The following SHC4 variants were observed in gnomAD, a reference collection of about 807,000 sequenced individuals.
The protein encoded by SHC4 is SHC adaptor protein 4.
Under a neutral mutation model 69.4 loss-of-function variants are expected in SHC4, and 41 were observed. The ratio of observed to expected loss-of-function variants is 0.59; its 90% CI spans 0.46 to 0.77. The LOEUF (loss-of-function observed/expected upper bound fraction) is 0.77. Among genes scored for constraint, SHC4 ranks in the 30% least tolerant of loss-of-function variants. The probability of loss-of-function intolerance (pLI) is 0.00; values close to 1 mark genes in which losing one functional copy is unlikely to be tolerated. For missense variants in SHC4, 777 were observed against 783.8 expected (o/e 0.99, Z 0.10); for synonymous variants, 318 against 299.3 (o/e 1.06, Z -0.64).
chr15:48,834,854 C>T lies in SHC4; in HGVS notation c.1652G>A (p.Ser551Asn). 6.2e-7 allele frequency: 1 copy of T among 1,614,184 alleles called. No homozygotes were observed. The highest frequency in any genetic ancestry group is 8.5e-7 in the Non-Finnish European group (1 of 1,180,024). The change falls in exon 11 of 12, where the codon AGT (serine) becomes AAT (asparagine). Residue 551 changes from serine (S) to asparagine (N), a missense_variant. Coordinates refer to ENST00000332408, the MANE Select transcript of SHC4 (RefSeq NM_203349.4). The part of the protein sequence containing the change: ...VKDGDFLVRE[S>N]ATSPGQYVLS... ...CACATATTGGCCAGGGGATGTTGCA[C>T]TCTCTCGAACCAAAAAGTCCCCATC...
chr15:48,959,340 A>G (rs1336672113), intron 1 of SHC4, among the ~76,000 whole-genome samples: 6 of 152,188 alleles, frequency 3.9e-5, no homozygotes, highest in African/African-American at 1.4e-4. Flanking sequence ...TCACTAAAAT[A>G]TTTCACAATG....
intron 2 of SHC4, among the ~76,000 whole-genome samples, chr15:48,918,925 C>G (rs1199172505): frequency 6.6e-6 from 1 of 151,996 alleles, no homozygotes; most frequent in African/African-American, 2.4e-5. Context: ...CCTTCTGGGT[C>G]AGGGCTTCCC....
intron 1 of SHC4, among the ~76,000 whole-genome samples, chr15:48,936,609 C>T (rs1901075604): frequency 6.6e-6 from 1 of 152,170 alleles, no homozygotes; most frequent in Non-Finnish European, 1.5e-5. Flanking sequence ...TTCCTGAGAC[C>T]TCCCCAGCCA....
intron 2 of SHC4, among the ~76,000 whole-genome samples, chr15:48,900,794 C>A (rs1288286989): frequency 6.6e-6 from 1 of 152,144 alleles, no homozygotes; most frequent in Non-Finnish European, 1.5e-5. Flanking sequence ...GGTCTCAGCT[C>A]CAGAGATTCT....
At chr15:48,843,285 A>T in intron 10 of SHC4, 124 bp downstream of exon 10, 1 of 949,156 alleles carries the variant, frequency 1.1e-6, no homozygotes, top group Non-Finnish European at 1.6e-6. Context: ...AGAAGGAACC[A>T]ACCCTGCTGA....
intron 4 of SHC4, among the ~76,000 whole-genome samples, chr15:48,880,432 G>C (rs965344666): frequency 2.6e-5 from 4 of 152,144 alleles, no homozygotes; most frequent in Non-Finnish European, 4.4e-5. Flanking sequence ...AAATTAGTGT[G>C]GGTGGGGGTA....
chr15:48,837,821 C>A (rs575684093), intron 10 of SHC4, among the ~76,000 whole-genome samples: 1 of 151,968 alleles, frequency 6.6e-6, no homozygotes, highest in South Asian at 2.1e-4. Context: ...ATCTAATGGG[C>A]AAAAACCTCT....
chr15:48,880,983 A>AGG (rs749756435), intron 4 of SHC4, among the ~76,000 whole-genome samples: 1 of 108,214 alleles, frequency 9.2e-6, no homozygotes, highest in Admixed American at 1.0e-4. Flanking sequence ...GATGTGTGTG[A>AGG]GAGTGTGTGT....
chr15:48,945,525 T>C (rs1386779969), intron 1 of SHC4, among the ~76,000 whole-genome samples: 1 of 152,180 alleles, frequency 6.6e-6, no homozygotes, highest in Non-Finnish European at 1.5e-5. Flanking sequence ...CAATGGACTA[T>C]TATACTGGAA....
chr15:48,864,814 CATA>C (rs1899526419), intron 6 of SHC4, among the ~76,000 whole-genome samples: 1 of 152,144 alleles, frequency 6.6e-6, no homozygotes, highest in African/African-American at 2.4e-5. Context: ...AATAGCAAAA[CATA>C]ATAATATTTT....
intron 6 of SHC4, among the ~76,000 whole-genome samples, chr15:48,865,553 A>G (rs1444896099): frequency 1.3e-5 from 2 of 152,234 alleles, no homozygotes; most frequent in East Asian, 1.9e-4. Context: ...CACTTAAAAG[A>G]TAAGGAAATC....
intron 2 of SHC4, among the ~76,000 whole-genome samples, chr15:48,924,452 G>A (rs1900810496): frequency 6.6e-6 from 1 of 152,194 alleles, no homozygotes; most frequent in Non-Finnish European, 1.5e-5. Flanking sequence ...AGAGGAGGGA[G>A]ACCCAGACAA....
At chr15:48,958,498 C>T (rs1219008107) in intron 1 of SHC4, among the ~76,000 whole-genome samples, 1 of 152,228 alleles carries the variant, frequency 6.6e-6, no homozygotes, top group African/African-American at 2.4e-5. Context: ...CTGCAGTTAC[C>T]TGCCAAAGCT....
At position 48,878,128 on chromosome 15, in the gene SHC4, G is replaced by A. The variant is rs751126621; in HGVS notation, c.841-5986C>T. 5 of 1,510,858 alleles carry A rather than the reference G, an allele frequency of 3.3e-6. No homozygotes were observed. In the Admixed American group the frequency reaches 9.0e-5, roughly 27 times the overall value. 93.6% of individuals were successfully genotyped at this position (1,510,858 alleles called of 1,614,324 possible). ...ACGCGCACGAACGCACGGCCGCGCAGCATCTGTCTTGCTGGAAGCTTTTTC... is the reference window on the plus strand; with the variant it reads ...ACGCGCACGAACGCACGGCCGCGCAACATCTGTCTTGCTGGAAGCTTTTTC... On this transcript the variant is annotated intron_variant, in intron 4 of 11. Coordinates refer to ENST00000332408, the MANE Select transcript of SHC4 (RefSeq NM_203349.4).
chr15:48,882,223 A>G lies in SHC4; in HGVS notation c.840+2025T>C, dbSNP rs117838201. On this transcript the variant is annotated intron_variant, in intron 4 of 11. Transcript: ENST00000332408. Reference sequence around the variant, plus strand: ...TAAAGCTTCTTGAGTTGAGGCCTCTACAGTGGCACATCTCTCCCCCATATC... The same window carrying G: ...TAAAGCTTCTTGAGTTGAGGCCTCTGCAGTGGCACATCTCTCCCCCATATC... Among the ~76,000 whole-genome samples the G allele has an allele frequency of 9.3e-3, 1,413 of 152,214 alleles. 30 individuals carry two copies. Among genetic ancestry groups the G allele is most frequent in the East Asian group, 0.067 (349 of 5,176 alleles).
chr15:48,884,514 T>A, intron 3 of SHC4, 147 bp from the exon 4 acceptor site: 1 of 684,118 alleles, frequency 1.5e-6, no homozygotes, highest in Non-Finnish European at 2.1e-6. Flanking sequence ...AAGGGAATGG[T>A]TTTTATTAAA....
rs768578015 is a variant in SHC4, at chr15:48,843,530, C to G, written c.1362G>C (p.Thr454=). 6 of 1,614,034 alleles carry G rather than the reference C, an allele frequency of 3.7e-6. No homozygotes were observed. The highest frequency in any genetic ancestry group is 1.3e-5 in the African/African-American group (1 of 74,928). Residue 454 remains threonine (T), a synonymous_variant, in exon 10 of 12, where the codon ACG becomes ACC. Transcript: ENST00000332408. ...GGTCATCAAAGAGATCCACTCGGCA[C>G]GTGTGCTTCAATAATGAGGTATCTC... is the stretch of plus-strand genomic sequence containing the variant. ...SQRDTSLLKH[T]CRVDLFDDPC...
chr15:48,890,730 A>T lies in SHC4; in HGVS notation c.720+18T>A. 6.2e-7 allele frequency: 1 copy of T among 1,613,832 alleles called. No homozygotes were observed. The highest frequency in any genetic ancestry group is 8.5e-7 in the Non-Finnish European group (1 of 1,179,736). On this transcript the variant is annotated intron_variant, in intron 3 of 11. Transcript: ENST00000332408. ...ATAATTAGGGAAACATAAACAAGAA[A>T]ACCACATCATCATTTACCTTTCGCT...
intron 1 of SHC4, among the ~76,000 whole-genome samples, chr15:48,939,121 G>C (rs934447177): frequency 7.9e-5 from 12 of 152,190 alleles, no homozygotes; most frequent in Non-Finnish European, 2.9e-5. Flanking sequence ...CTATACTGCT[G>C]TTCCTGATTG....
Sources: gnomAD v4.1 joint callset for allele counts (sites outside exome capture counted in the v4.1 genomes callset) on GRCh38, gnomAD v4.1.1 for gene constraint, MANE v1.5 for transcripts, NCBI Gene and HGNC (gene_info 2026-07-23, HGNC 2026-07-21) for gene names.